The following SREBF2 variants were observed in gnomAD, a reference collection of about 807,000 sequenced individuals.
The protein encoded by SREBF2 is sterol regulatory element-binding protein 2.
In SREBF2, 55 loss-of-function variants were observed where a neutral mutation model predicts 113.1. The observed-to-expected ratio is 0.49, with a 90% CI of 0.39 to 0.61. The LOEUF is 0.61. Among genes scored for constraint, SREBF2 ranks in the 20% least tolerant of loss-of-function variants. The pLI is 0.00. For synonymous variants in SREBF2, 593 were observed against 605.7 expected (o/e 0.98, Z 0.31); for missense variants, 1,349 against 1,487.4 (o/e 0.91, Z 1.53).
chr22:41,898,703 G>GGT lies in SREBF2; in HGVS notation c.2661_2662insTG (p.Leu888CysfsTer25). ...TCTGCAATCACTGTGGCCATCAGCT[G>GGT]GCTCCAGGGAGACGATGCAGCTGTG... On this transcript the variant is annotated frameshift_variant, in exon 15 of 19. Coordinates refer to ENST00000361204, the MANE Select transcript of SREBF2 (RefSeq NM_004599.4). LOFTEE classifies it high-confidence loss of function. 6.2e-7 allele frequency: 1 copy of GGT among 1,614,106 alleles called. No homozygotes were observed. The highest frequency in any genetic ancestry group is 8.5e-7 in the Non-Finnish European group (1 of 1,180,022).
At position 41,833,116 on chromosome 22, in the gene SREBF2, G is replaced by C; in HGVS notation, c.-155G>C. The C allele has an allele frequency of 1.8e-6, 1 of 540,894 alleles. No individual in the cohort carries two copies. The allele number at this position is 540,894 out of a possible 1,614,324, so 33.5% of individuals were successfully genotyped here. ...AATCCCGCCCCGCCCTTTCTGTGCG[G>C]CGCCCGGGCGCAACGCAAACATGGC... On this transcript the variant is annotated 5_prime_UTR_variant, in exon 1 of 19. Coordinates refer to ENST00000361204, the MANE Select transcript of SREBF2 (RefSeq NM_004599.4). This position sits in a 1 kb window ranked among gnomAD's most constrained non-coding sequence, Gnocchi z 4.1.
At chr22:41,869,887 T>C (rs2077123780) in intron 3 of SREBF2, among the ~76,000 whole-genome samples, 1 of 148,796 alleles carries the variant, frequency 6.7e-6, no homozygotes, top group African/African-American at 2.5e-5. Flanking sequence ...AGAGTCTTGC[T>C]CTGTCGCCCA....
At chr22:41,856,004 C>T (rs967390758) in intron 1 of SREBF2, among the ~76,000 whole-genome samples, 6 of 152,066 alleles carry the variant, frequency 3.9e-5, no homozygotes, top group Non-Finnish European at 7.4e-5. Flanking sequence ...CTCACTGCAG[C>T]CTCAAACTCC....
In SREBF2 at chr22:41,875,559, C is replaced by T. The variant is rs560473946; in HGVS notation, c.1221C>T (p.Ile407=). The change falls in exon 7 of 19, where the codon ATC becomes ATT. Residue 407 remains isoleucine (I), a synonymous_variant. Transcript: ENST00000361204. ...ANQKNKLLKG[I]DLGSLVDNEV... ...TCTTTGCAGAGCTTCTAAAGGGCAT[C>T]GACCTAGGCAGTCTGGTGGACAATG... 2.5e-6 allele frequency: 4 copies of T among 1,614,174 alleles called. No homozygotes were observed. The highest frequency in any genetic ancestry group is 1.3e-5 in the African/African-American group (1 of 75,024).
In SREBF2 at chr22:41,875,556, C is replaced by T; in HGVS notation, c.1218C>T (p.Gly406=). Residue 406 remains glycine, a synonymous_variant, in exon 7 of 19, where the codon GGC becomes GGT. Coordinates refer to ENST00000361204, the MANE Select transcript of SREBF2 (RefSeq NM_004599.4). ...LANQKNKLLK[G]IDLGSLVDNE... ...TTTTCTTTGCAGAGCTTCTAAAGGG[C>T]ATCGACCTAGGCAGTCTGGTGGACA... 1 of 1,614,212 alleles carries T rather than the reference C, an allele frequency of 6.2e-7. No individual in the cohort carries two copies. The highest frequency in any genetic ancestry group is 8.5e-7 in the Non-Finnish European group (1 of 1,180,044).
intron 9 of SREBF2, among the ~76,000 whole-genome samples, chr22:41,880,328 G>A (rs1001464093): frequency 2.7e-5 from 4 of 147,708 alleles, no homozygotes; most frequent in African/African-American, 1.0e-4. Flanking sequence ...GAGGCAGGTA[G>A]ATCACTTGAG....
At chr22:41,877,138 A>G in intron 7 of SREBF2, 91 bp from the exon 8 acceptor site, 1 of 1,324,184 alleles carries the variant, frequency 7.6e-7, no homozygotes, top group Non-Finnish European at 1.1e-6. Context: ...TTTAAACCTC[A>G]TAACCATTTC....
chr22:41,857,261 C>G (rs1474890538), intron 1 of SREBF2, among the ~76,000 whole-genome samples: 1 of 152,014 alleles, frequency 6.6e-6, no homozygotes, highest in Admixed American at 6.6e-5. Context: ...AAAGAAAGAG[C>G]AATGGAAAGT....
intron 1 of SREBF2, among the ~76,000 whole-genome samples, chr22:41,860,299 G>A (rs922682290): frequency 4.0e-5 from 6 of 151,160 alleles, no homozygotes; most frequent in African/African-American, 1.2e-4. Flanking sequence ...TCAAGAGCAG[G>A]CGGTTTACAA....
intron 11 of SREBF2, among the ~76,000 whole-genome samples, chr22:41,892,137 G>T (rs574890178): frequency 5.3e-5 from 8 of 152,160 alleles, no homozygotes; most frequent in South Asian, 2.1e-4. Context: ...CCAGCTTTGT[G>T]GGGGGAGTCT....
intron 1 of SREBF2, among the ~76,000 whole-genome samples, chr22:41,860,726 T>A (rs2077019261): frequency 2.6e-5 from 4 of 151,956 alleles, no homozygotes; most frequent in Admixed American, 2.0e-4. Context: ...AAAAAAAAGA[T>A]TTCTTTAAAG....
At chr22:41,881,098 C>T (rs749080786) in intron 10 of SREBF2, 106 bp downstream of exon 10, 256 of 1,444,624 alleles carry the variant, frequency 1.8e-4, no homozygotes, top group Non-Finnish European at 2.2e-4. Context: ...GTCCCTTTAA[C>T]GCTACTCTTT....
At chr22:41,892,564 C>T (rs542042643) in intron 11 of SREBF2, among the ~76,000 whole-genome samples, 4 of 145,836 alleles carry the variant, frequency 2.7e-5, no homozygotes, top group East Asian at 4.1e-4. Flanking sequence ...AGGAGAATGG[C>T]GTGAACCCGG....
Position 41,894,861 on chromosome 22 carries a change from C to G in SREBF2, c.2419C>G (p.Leu807Val). The change falls in exon 13 of 19, where the codon CTG becomes GTG. Residue 807 changes from leucine (L) to valine (V), a missense_variant. Leu to Val is a conservative substitution (Grantham distance 32). Around this residue, in one of 2 missense-constraint regions of SREBF2, gnomAD observed 650 missense variants for 644.1 expected, o/e 1.01. Coordinates refer to ENST00000361204, the MANE Select transcript of SREBF2 (RefSeq NM_004599.4). ...GGTCCACCAGGCCTTCTGCAAGAAC[C>G]TGCTGGAGCGAGCTATAGAGTCCTT... ...AQVHQAFCKNLLERAIESLVK... is the reference protein window; with the variant it reads ...AQVHQAFCKNVLERAIESLVK... 1 of 1,614,178 alleles carries G rather than the reference C, an allele frequency of 6.2e-7. No homozygotes were observed. Among genetic ancestry groups the G allele is most frequent in the African/African-American group, 1.3e-5 (1 of 75,064 alleles).
chr22:41,860,757 A>G (rs999900311), intron 1 of SREBF2, among the ~76,000 whole-genome samples: 2 of 152,120 alleles, frequency 1.3e-5, no homozygotes, highest in Non-Finnish European at 2.9e-5. Flanking sequence ...TTGGTGATGC[A>G]TGCTTGTAGT....
intron 15 of SREBF2, 186 bp downstream of exon 15, chr22:41,898,967 G>A (rs1733200096): frequency 9.4e-6 from 8 of 848,216 alleles, no homozygotes; most frequent in South Asian, 1.5e-5. Flanking sequence ...CAGGTCCTCT[G>A]TGCAAGTGTC....
At chr22:41,895,374 G>A (rs534979716) in intron 13 of SREBF2, among the ~76,000 whole-genome samples, 4 of 149,370 alleles carry the variant, frequency 2.7e-5, no homozygotes, top group East Asian at 3.9e-4. Flanking sequence ...CTCGTGATCC[G>A]CCTGCCTCAG....
At chr22:41,892,699 G>A (rs554376452) in intron 11 of SREBF2, among the ~76,000 whole-genome samples, 4 of 151,944 alleles carry the variant, frequency 2.6e-5, no homozygotes, top group Admixed American at 6.5e-5. Flanking sequence ...GGATAGAAGG[G>A]GCTGCCTGGC....
intron 16 of SREBF2, chr22:41,900,944 C>T: frequency 1.9e-6 from 1 of 535,784 alleles, no homozygotes; most frequent in Non-Finnish European, 3.8e-6. Flanking sequence ...TGGCGGGCAG[C>T]TGTGGTGCAT....
Sources: allele counts gnomAD v4.1 joint callset (sites outside exome capture counted in the v4.1 genomes callset), GRCh38; gene constraint gnomAD v4.1.1; regional missense constraint gnomAD v4.1.1; non-coding constraint Gnocchi (gnomAD v3.1); transcripts MANE v1.5; gene names NCBI Gene and HGNC (gene_info 2026-07-23, HGNC 2026-07-21).